SOCS2: variants seen among roughly 807,000 people sequenced by gnomAD.
SOCS2 encodes suppressor of cytokine signaling 2, also known as CIS-2.
A neutral mutation model predicts 18.6 loss-of-function variants in SOCS2; 10 were observed. That is an observed-to-expected ratio of 0.54 (90% confidence interval 0.33 to 0.91). The LOEUF is 0.91. Ranked by LOEUF, SOCS2 falls within the 40% of genes least tolerant of loss-of-function variation. The pLI, the probability that SOCS2 is intolerant of heterozygous loss-of-function variation, is 0.02. For missense variants in SOCS2, 231 were observed against 247.2 expected (o/e 0.93, Z 0.44); for synonymous variants, 104 against 104.0 (o/e 1.00, Z 0.00).
At chr12:93,604,017 T>G in the SOCS2 span, among the ~76,000 whole-genome samples, 1 of 152,168 alleles carries the variant, frequency 6.6e-6, no homozygotes, top group African/African-American at 2.4e-5. Context: ...CAAATAAAAG[T>G]ACACAGAACA....
the SOCS2 span, among the ~76,000 whole-genome samples, chr12:93,614,533 TTCC>T: frequency 2.1e-5 from 2 of 93,262 alleles, no homozygotes; most frequent in Admixed American, 1.3e-4. Context: ...CCTTCCTTCC[TTCC>T]TTCCTTCTTT....
chr12:93,617,240 C>T, the SOCS2 span, among the ~76,000 whole-genome samples: 1 of 152,192 alleles, frequency 6.6e-6, no homozygotes, highest in African/African-American at 2.4e-5. Context: ...ATACTAACCA[C>T]ATCCCAGGGT....
chr12:93,614,475 C>CTTTCT, the SOCS2 span, among the ~76,000 whole-genome samples: 2 of 77,636 alleles, frequency 2.6e-5, no homozygotes, highest in African/African-American at 1.6e-4. Flanking sequence ...TCCTTCCTTC[C>CTTTCT]TTCCTTTCCT....
chr12:93,573,889 C>A (rs1271833455), intron 1 of SOCS2: 1 of 152,156 alleles, frequency 6.6e-6, no homozygotes, highest in Admixed American at 6.5e-5. Flanking sequence ...GTTCAGACTT[C>A]TTAAATACGG....
the SOCS2 span, among the ~76,000 whole-genome samples, chr12:93,599,537 A>T: frequency 6.6e-6 from 1 of 152,138 alleles, no homozygotes; most frequent in South Asian, 2.1e-4. Flanking sequence ...TTAAGCATTG[A>T]TATATACATT....
At chr12:93,592,115 T>C in the SOCS2 span, among the ~76,000 whole-genome samples, 1 of 152,348 alleles carries the variant, frequency 6.6e-6, no homozygotes, top group East Asian at 1.9e-4. Context: ...TAACTATTAT[T>C]AAAAGTTTCC....
At chr12:93,592,313 T>A in the SOCS2 span, among the ~76,000 whole-genome samples, 3 of 152,246 alleles carry the variant, frequency 2.0e-5, no homozygotes, top group Non-Finnish European at 2.9e-5. Context: ...AACATAAGGC[T>A]TTGCCTCATT....
At chr12:93,614,480 T>TTTCCTTCCTTCC in the SOCS2 span, among the ~76,000 whole-genome samples, 17 of 26,142 alleles carry the variant, frequency 6.5e-4, no homozygotes, top group Non-Finnish European at 9.3e-4. Flanking sequence ...CCTTCCTTCC[T>TTTCCTTCCTTCC]TTCCTTCCTT....
chr12:93,618,030 T>A, the SOCS2 span, among the ~76,000 whole-genome samples: 1 of 152,198 alleles, frequency 6.6e-6, no homozygotes, highest in African/African-American at 2.4e-5. Context: ...TTCTCATGAA[T>A]GATTTAGCAC....
At chr12:93,602,553 A>G in the SOCS2 span, among the ~76,000 whole-genome samples, 1 of 152,148 alleles carries the variant, frequency 6.6e-6, no homozygotes, top group East Asian at 1.9e-4. Context: ...CCAGTTTCCA[A>G]TTAAGATTCA....
intron 1 of SOCS2, among the ~76,000 whole-genome samples, chr12:93,582,791 G>A (rs1954558043): frequency 6.6e-6 from 1 of 152,078 alleles, no homozygotes; most frequent in African/African-American, 2.4e-5. Flanking sequence ...GAAGAGCCTG[G>A]AGCCTTCAGG....
chr12:93,610,215 A>T, the SOCS2 span, among the ~76,000 whole-genome samples: 1 of 152,304 alleles, frequency 6.6e-6, no homozygotes, highest in East Asian at 1.9e-4. Context: ...TAGCACACAT[A>T]AGAATCATGT....
rs1323872399 is a variant in SOCS2 at position 93,575,641 on chromosome 12, T to C, written c.*462T>C. 1 of 153,292 alleles carries C rather than the reference T, an allele frequency of 6.5e-6. No individual in the cohort carries two copies. The highest frequency in any genetic ancestry group is 1.5e-5 in the Non-Finnish European group (1 of 68,548). 9.5% of individuals were successfully genotyped at this position (153,292 alleles called of 1,614,324 possible). A position where few individuals can be genotyped will look rare whatever the true frequency, so the allele number is the denominator to read the frequency against. On this transcript the variant is annotated 3_prime_UTR_variant, in exon 2 of 2. Transcript: ENST00000551556. Reference sequence around the variant, plus strand: ...AGAGTCTCTTGGGCATTTTATATTTTGCATTCTGATGTACCTAGGAGTTTT... The same window carrying C: ...AGAGTCTCTTGGGCATTTTATATTTCGCATTCTGATGTACCTAGGAGTTTT...
chr12:93,622,894 G>A, the SOCS2 span, among the ~76,000 whole-genome samples: 1 of 152,112 alleles, frequency 6.6e-6, no homozygotes, highest in East Asian at 1.9e-4. Context: ...CTTATGGAAG[G>A]TTTGAGCCAT....
chr12:93,604,690 C>T, the SOCS2 span, among the ~76,000 whole-genome samples: 2 of 151,970 alleles, frequency 1.3e-5, no homozygotes, highest in African/African-American at 2.4e-5. Flanking sequence ...GACAGGGTTT[C>T]GTTTTGTCGC....
At chr12:93,571,191 G>A (rs528729613), upstream of SOCS2, 86 of 152,974 alleles carry the variant, frequency 5.6e-4, no homozygotes, top group South Asian at 0.017. Context: ...GATACCCCGT[G>A]CCCGCAGCTC....
At chr12:93,599,263 C>T in the SOCS2 span, among the ~76,000 whole-genome samples, 2 of 149,670 alleles carry the variant, frequency 1.3e-5, no homozygotes, top group African/African-American at 2.5e-5. Context: ...AAGCAATCCT[C>T]CTGCCCCAGC....
At chr12:93,592,723 C>T in the SOCS2 span, among the ~76,000 whole-genome samples, 2 of 152,174 alleles carry the variant, frequency 1.3e-5, no homozygotes, top group African/African-American at 4.8e-5. Flanking sequence ...TGTTTATTTG[C>T]TAATTAATTG....
chr12:93,573,052 G>T lies in SOCS2; in HGVS notation c.139+16G>T. ...GGTCAGACAGGTAGGGAGCCGATCG[G>T]CCGCGACGCGTGCGGGAGGGAGCGC... On this transcript the variant is annotated intron_variant, in intron 1 of 1. Transcript: ENST00000551556. 6.4e-7 allele frequency: 1 copy of T among 1,556,840 alleles called. No homozygotes were observed. Among genetic ancestry groups the T allele is most frequent in the East Asian group, 2.4e-5 (1 of 42,364 alleles).
Sources: gnomAD v4.1 joint callset for allele counts (sites outside exome capture counted in the v4.1 genomes callset) on GRCh38, gnomAD v4.1.1 for gene constraint, MANE v1.5 for transcripts, NCBI Gene and HGNC (gene_info 2026-07-23, HGNC 2026-07-21) for gene names.